NUMB: variants seen among roughly 807,000 people sequenced by gnomAD.
NUMB encodes protein numb homolog.
A neutral mutation model predicts 59.7 loss-of-function variants in NUMB; 29 were observed. The ratio of observed to expected loss-of-function variants is 0.49; its 90% confidence interval spans 0.36 to 0.66. The LOEUF (loss-of-function observed/expected upper bound fraction) is 0.66, where lower values mean the gene tolerates loss of function less well. Ranked by LOEUF, NUMB falls within the 30% of genes least tolerant of loss-of-function variation. The pLI, the probability that NUMB is intolerant of heterozygous loss-of-function variation, is 0.00. For synonymous variants in NUMB, 288 were observed against 288.2 expected (o/e 1.00, Z 0.01); for missense variants, 723 against 822.0 (o/e 0.88, Z 1.47).
chr14:73,398,165 A>T (rs1471336919), intron 2 of NUMB, among the ~76,000 whole-genome samples: 1 of 152,230 alleles, frequency 6.6e-6, no homozygotes, highest in Non-Finnish European at 1.5e-5. Flanking sequence ...CAGTTCACCA[A>T]ATTGTTAACG....
At chr14:73,310,799 G>C (rs1890739555) in intron 6 of NUMB, among the ~76,000 whole-genome samples, 1 of 152,142 alleles carries the variant, frequency 6.6e-6, no homozygotes, top group Non-Finnish European at 1.5e-5. Flanking sequence ...AGATCTAATA[G>C]GGTGGCCTAA....
rs140538584 is a variant in NUMB, at chr14:73,294,391, A to T, written c.310-1517T>A. On this transcript the variant is annotated intron_variant, in intron 7 of 12. Coordinates refer to ENST00000555238, the MANE Select transcript of NUMB (RefSeq NM_001005743.2). ...TAGGTAATCAAATATCAGTTTTTAT[A>T]TCCTTAGTTGGGCTATTTGGAGTCT... is the stretch of plus-strand genomic sequence containing the variant. Among the ~76,000 whole-genome samples the T allele has an allele frequency of 3.4e-3, 518 of 152,116 alleles. 6 individuals are homozygous for T. In the Middle Eastern group the frequency reaches 0.034, roughly 10 times the overall value.
At position 73,387,956 on chromosome 14, in the gene NUMB, C is replaced by CAAA. The variant is rs66701940; in HGVS notation, c.-100-20978_-100-20976dup. On this transcript the variant is annotated intron_variant, in intron 2 of 12. Coordinates refer to ENST00000555238, the MANE Select transcript of NUMB (RefSeq NM_001005743.2). ...CAACAAAGCAAGACTCTGTCTCTAC[C>CAAA]AAAAAAAAAAAAAAAAAAAAAATTA... 5.7e-3 allele frequency among the ~76,000 whole-genome samples: 538 copies of CAAA among 94,296 alleles called. 5 individuals are homozygous for CAAA. Among genetic ancestry groups the CAAA allele is most frequent in the African/African-American group, 0.013 (355 of 26,628 alleles). 61.9% of individuals were successfully genotyped at this position (94,296 alleles called of 152,430 possible).
intron 1 of NUMB, among the ~76,000 whole-genome samples, chr14:73,435,660 C>A (rs1013247093): frequency 2.6e-5 from 4 of 151,978 alleles, no homozygotes; most frequent in Non-Finnish European, 5.9e-5. Flanking sequence ...GAAATGTTCA[C>A]AACAATACTT....
chr14:73,330,372 A>G (rs1891895117), intron 4 of NUMB, among the ~76,000 whole-genome samples: 1 of 152,042 alleles, frequency 6.6e-6, no homozygotes, highest in Non-Finnish European at 1.5e-5. Flanking sequence ...TTGACTTTCA[A>G]TCAGTTCCAT....
At position 73,391,591 on chromosome 14, in the gene NUMB, T is replaced by C. The variant is rs576217512; in HGVS notation, c.-101+18346A>G. Among the ~76,000 whole-genome samples, 28 of 152,348 alleles carry C rather than the reference T, an allele frequency of 1.8e-4. No individual in the cohort carries two copies. In the South Asian group the frequency reaches 2.9e-3, roughly 16 times the overall value. ...ATAAAGGTCAGTGGTTCTCAAGCTT[T>C]AGCATACATAAAAATCACTTAGATG... On this transcript the variant is annotated intron_variant, in intron 2 of 12. Transcript: ENST00000555238.
At chr14:73,406,486 G>A (rs1896679502) in intron 2 of NUMB, among the ~76,000 whole-genome samples, 1 of 151,920 alleles carries the variant, frequency 6.6e-6, no homozygotes, top group Admixed American at 6.6e-5. Flanking sequence ...TCTTAATCCA[G>A]TCTATCATTG....
chr14:73,277,183 C>T lies in NUMB; in HGVS notation c.1351G>A (p.Val451Ile), dbSNP rs114327279. ...GAGGCCTGGGGCTGCTGAGCCCGGA[C>T]GCTCTTAGACACCTCTTCTAACCAT... Reference protein sequence around the residue: ...DRWLEEVSKSVRAQQPQASAA... With the variant: ...DRWLEEVSKSIRAQQPQASAA... Residue 451 changes from valine (V) to isoleucine (I), a missense_variant, in exon 13 of 13, where the codon GTC (valine) becomes ATC (isoleucine). Transcript: ENST00000555238. 63 of 1,613,970 alleles carry T rather than the reference C, an allele frequency of 3.9e-5. No individual in the cohort carries two copies. The highest frequency in any genetic ancestry group is 3.6e-4 in the African/African-American group (27 of 75,016).
intron 4 of NUMB, among the ~76,000 whole-genome samples, chr14:73,345,878 G>A (rs1021219613): frequency 2.6e-5 from 4 of 151,642 alleles, no homozygotes; most frequent in African/African-American, 9.7e-5. Context: ...AGTGTACTCC[G>A]CCCTGGGGGA....
At chr14:73,392,857 G>A (rs1249283463) in intron 2 of NUMB, among the ~76,000 whole-genome samples, 2 of 151,950 alleles carry the variant, frequency 1.3e-5, no homozygotes, top group Admixed American at 1.3e-4. Flanking sequence ...CCAAGGGTAA[G>A]AGGATCCTTA....
intron 2 of NUMB, among the ~76,000 whole-genome samples, chr14:73,398,824 T>A (rs956570746): frequency 6.6e-6 from 1 of 152,030 alleles, no homozygotes; most frequent in African/African-American, 2.4e-5. Flanking sequence ...AAAAACAACT[T>A]GGCAATATTT....
intron 2 of NUMB, among the ~76,000 whole-genome samples, chr14:73,399,294 C>G (rs559268488): frequency 7.2e-5 from 11 of 152,290 alleles, no homozygotes; most frequent in Non-Finnish European, 1.5e-4. Context: ...CCGGGCACAG[C>G]GGCTCACGCC....
At chr14:73,330,177 A>G (rs1891884815) in intron 4 of NUMB, among the ~76,000 whole-genome samples, 1 of 152,096 alleles carries the variant, frequency 6.6e-6, no homozygotes, top group Admixed American at 6.6e-5. Flanking sequence ...CTACAGGCAC[A>G]CACCACAACA....
intron 2 of NUMB, among the ~76,000 whole-genome samples, chr14:73,395,379 T>A (rs1896084934): frequency 6.7e-6 from 1 of 148,538 alleles, no homozygotes; most frequent in Admixed American, 6.6e-5. Flanking sequence ...TCCCAACACT[T>A]TGGGAGGCAG....
Position 73,286,686 on chromosome 14 carries a change from T to C in NUMB, c.655+424A>G, listed in dbSNP as rs117723103. 1.8e-4 allele frequency: 38 copies of C among 211,062 alleles called. No individual in the cohort carries two copies. In the East Asian group the frequency reaches 4.0e-3, roughly 22 times the overall value. 13.1% of individuals were successfully genotyped at this position (211,062 alleles called of 1,614,324 possible). A position where few individuals can be genotyped will look rare whatever the true frequency, so the allele number is the denominator to read the frequency against. Reference sequence around the variant, plus strand: ...CAGCAATAATATCATATAAACAGTATTACTGTTAAATCTCTCTGCTAGCAT... The same window carrying C: ...CAGCAATAATATCATATAAACAGTACTACTGTTAAATCTCTCTGCTAGCAT... On this transcript the variant is annotated intron_variant, in intron 9 of 12. Transcript: ENST00000555238.
At chr14:73,338,891 G>A (rs1237190387) in intron 4 of NUMB, among the ~76,000 whole-genome samples, 1 of 152,180 alleles carries the variant, frequency 6.6e-6, no homozygotes, top group African/African-American at 2.4e-5. Context: ...TAAACACACA[G>A]TATTTTTTGC....
At chr14:73,372,305 T>TTATATATATATATATA (rs3028704) in intron 2 of NUMB, among the ~76,000 whole-genome samples, 99 of 85,964 alleles carry the variant, frequency 1.2e-3, no homozygotes, top group Middle Eastern at 8.2e-3. Context: ...TATATTTCTT[T>TTATATATATATATATA]TATATATATA....
intron 4 of NUMB, among the ~76,000 whole-genome samples, chr14:73,338,499 C>G (rs1892469517): frequency 6.6e-6 from 1 of 152,150 alleles, no homozygotes; most frequent in Non-Finnish European, 1.5e-5. Flanking sequence ...TTTGTTATCA[C>G]CCTTGCTCAT....
At chr14:73,396,890 A>G (rs1896163562) in intron 2 of NUMB, among the ~76,000 whole-genome samples, 1 of 152,224 alleles carries the variant, frequency 6.6e-6, no homozygotes. Context: ...TGGGAGGCTG[A>G]GTTGGGCAGA....
Sources: gnomAD v4.1 joint callset for allele counts (sites outside exome capture counted in the v4.1 genomes callset) on GRCh38, gnomAD v4.1.1 for gene constraint, MANE v1.5 for transcripts, NCBI Gene and HGNC (gene_info 2026-07-23, HGNC 2026-07-21) for gene names.